PLCB4: variants seen among roughly 807,000 people sequenced by gnomAD.
The protein encoded by PLCB4 is phospholipase C beta 4, also known as 1-phosphatidylinositol 4,5-bisphosphate phosphodiesterase beta-4.
A neutral mutation model predicts 178.8 loss-of-function variants in PLCB4; 77 were observed. That is an observed-to-expected ratio of 0.43 (90% confidence interval 0.36 to 0.52). PLCB4 has a LOEUF of 0.52. Among genes scored for constraint, PLCB4 ranks in the 20% least tolerant of loss-of-function variants. The probability of loss-of-function intolerance (pLI) is 0.00; values close to 1 mark genes in which losing one functional copy is unlikely to be tolerated. For synonymous variants in PLCB4, 496 were observed against 490.8 expected (o/e 1.01, Z -0.14); for missense variants, 1,024 against 1,453.4 (o/e 0.70, Z 4.80).
chr20:9,316,211 T>C (rs2094897341), intron 4 of PLCB4, among the ~76,000 whole-genome samples: 1 of 151,656 alleles, frequency 6.6e-6, no homozygotes, highest in Non-Finnish European at 1.5e-5. Context: ...TTATTAGAGA[T>C]GCGCATTCTC....
chr20:9,282,973 C>T (rs1297313967), intron 3 of PLCB4, among the ~76,000 whole-genome samples: 8 of 151,964 alleles, frequency 5.3e-5, no homozygotes, highest in Admixed American at 5.2e-4. Flanking sequence ...TGATTTGTTT[C>T]AAAGCAAGTC....
intron 32 of PLCB4, among the ~76,000 whole-genome samples, chr20:9,449,479 G>A (rs967224002): frequency 2.6e-5 from 4 of 152,136 alleles, no homozygotes; most frequent in African/African-American, 9.7e-5. Context: ...ATTGGTGCCT[G>A]GAGAGTAGAT....
intron 1 of PLCB4, among the ~76,000 whole-genome samples, chr20:9,084,087 C>A (rs6077485): frequency 0.36 from 54,025 of 151,988 alleles, 11,848 homozygotes; most frequent in Middle Eastern, 0.49. Context: ...TTCCTAATTT[C>A]AAAAGGTGAT....
At chr20:9,307,609 T>A (rs1449758903) in intron 3 of PLCB4, among the ~76,000 whole-genome samples, 191 bp from the exon 4 acceptor site, 1 of 152,052 alleles carries the variant, frequency 6.6e-6, no homozygotes, top group Non-Finnish European at 1.5e-5. Flanking sequence ...ACCTCTGGTA[T>A]TTCTTGATTA....
intron 3 of PLCB4, among the ~76,000 whole-genome samples, chr20:9,260,638 A>G (rs2094287746): frequency 6.6e-6 from 1 of 152,154 alleles, no homozygotes; most frequent in African/African-American, 2.4e-5. Context: ...ATATGTGTGT[A>G]TATATGAGCT....
intron 9 of PLCB4, among the ~76,000 whole-genome samples, chr20:9,369,345 T>C (rs1475615916): frequency 6.6e-6 from 1 of 152,192 alleles, no homozygotes; most frequent in Non-Finnish European, 1.5e-5. Flanking sequence ...TCTTACTAGC[T>C]AGGTTAACAC....
chr20:9,311,225 C>G (rs2094829742), intron 4 of PLCB4, among the ~76,000 whole-genome samples: 1 of 152,194 alleles, frequency 6.6e-6, no homozygotes, highest in Non-Finnish European at 1.5e-5. Flanking sequence ...TGCTTACCCA[C>G]TTTTGATGAT....
intron 38 of PLCB4, among the ~76,000 whole-genome samples, chr20:9,473,955 A>C (rs1258819861): frequency 6.6e-6 from 1 of 152,218 alleles, no homozygotes; most frequent in Middle Eastern, 3.2e-3. Flanking sequence ...CAGTGGGCTC[A>C]TGCCTGTAAT....
At chr20:9,193,505 G>T (rs1288604099) in intron 2 of PLCB4, among the ~76,000 whole-genome samples, 1 of 152,182 alleles carries the variant, frequency 6.6e-6, no homozygotes, top group Non-Finnish European at 1.5e-5. Flanking sequence ...CTTAGGCAAA[G>T]AATCACAGCA....
chr20:9,212,346 A>G (rs1167584166), intron 2 of PLCB4, among the ~76,000 whole-genome samples: 1 of 152,196 alleles, frequency 6.6e-6, no homozygotes, highest in Non-Finnish European at 1.5e-5. Flanking sequence ...GTTTTTGTTC[A>G]ACCTTGCCCA....
At chr20:9,268,375 T>C (rs2094369740) in intron 3 of PLCB4, among the ~76,000 whole-genome samples, 1 of 152,194 alleles carries the variant, frequency 6.6e-6, no homozygotes, top group African/African-American at 2.4e-5. Flanking sequence ...AGCTCCAGGC[T>C]GATATCCCAT....
chr20:9,427,878 A>G (rs1381100281), intron 28 of PLCB4, among the ~76,000 whole-genome samples: 1 of 152,178 alleles, frequency 6.6e-6, no homozygotes, highest in African/African-American at 2.4e-5. Context: ...GCTGTGTTTC[A>G]TGAGCCTCCC....
At chr20:9,353,530 CA>C (rs969669050) in intron 7 of PLCB4, among the ~76,000 whole-genome samples, 6 of 152,190 alleles carry the variant, frequency 3.9e-5, no homozygotes, top group African/African-American at 1.4e-4. Context: ...TACAAACAAA[CA>C]TTAGTGGTTT....
At chr20:9,468,501 A>ATC (rs1005145838) in intron 35 of PLCB4, 70 bp from the exon 36 acceptor site, 1 of 904,346 alleles carries the variant, frequency 1.1e-6, no homozygotes, top group African/African-American at 1.6e-5. Context: ...CCCCAGGTGA[A>ATC]TCTCTCTACC....
chr20:9,256,828 A>T (rs1448640089), intron 3 of PLCB4, among the ~76,000 whole-genome samples: 1 of 152,194 alleles, frequency 6.6e-6, no homozygotes, highest in East Asian at 1.9e-4. Context: ...TCAGAAATAC[A>T]TTTTCCTATT....
At chr20:9,331,453 G>A (rs552707766) in intron 4 of PLCB4, among the ~76,000 whole-genome samples, 96 of 147,874 alleles carry the variant, frequency 6.5e-4, no homozygotes, top group African/African-American at 2.3e-3. Context: ...GTGATGGCGA[G>A]AGAGAGGGCA....
chr20:9,243,045 G>T (rs1049779081), intron 3 of PLCB4, among the ~76,000 whole-genome samples: 1 of 152,166 alleles, frequency 6.6e-6, no homozygotes, highest in African/African-American at 2.4e-5. Context: ...ATTTTTTAGT[G>T]TAAGTATGTT....
chr20:9,180,594 T>C (rs1014534152), intron 2 of PLCB4, among the ~76,000 whole-genome samples: 2 of 152,170 alleles, frequency 1.3e-5, no homozygotes, highest in African/African-American at 4.8e-5. Flanking sequence ...ATTTCTGATA[T>C]AACTGCTGCC....
chr20:9,071,373 T>C (rs1405264922), intron 1 of PLCB4, among the ~76,000 whole-genome samples: 14 of 152,180 alleles, frequency 9.2e-5, no homozygotes, highest in Admixed American at 6.5e-5. Context: ...TAACTTCATT[T>C]TGGGGTTTGA....
Sources: allele counts gnomAD v4.1 joint callset (sites outside exome capture counted in the v4.1 genomes callset), GRCh38; gene constraint gnomAD v4.1.1; transcripts MANE v1.5; gene names NCBI Gene and HGNC (gene_info 2026-07-23, HGNC 2026-07-21).